ROCK1: variants seen among roughly 807,000 people sequenced by gnomAD.
ROCK1 encodes rho-associated protein kinase 1.
Under a neutral mutation model 196.8 loss-of-function variants are expected in ROCK1, and 36 were observed. The ratio of observed to expected loss-of-function variants is 0.18; its 90% confidence interval spans 0.14 to 0.24. The LOEUF is 0.24. ROCK1 is among the 10% of genes least tolerant of loss of function. The probability of loss-of-function intolerance (pLI) is 1.00; values close to 1 mark genes in which losing one functional copy is unlikely to be tolerated. For synonymous variants in ROCK1, 443 were observed against 515.9 expected (o/e 0.86, Z 1.91); for missense variants, 920 against 1,562.0 (o/e 0.59, Z 6.93).
At chr18:21,056,669 T>C (rs2036247553) in intron 2 of ROCK1, among the ~76,000 whole-genome samples, 1 of 152,220 alleles carries the variant, frequency 6.6e-6, no homozygotes, top group South Asian at 2.1e-4. Flanking sequence ...CAAAAGTCTC[T>C]AATGTCTTGC....
At chr18:20,994,008 AG>A (rs1408210450) in intron 16 of ROCK1, among the ~76,000 whole-genome samples, 1 of 152,202 alleles carries the variant, frequency 6.6e-6, no homozygotes, top group African/African-American at 2.4e-5. Context: ...AATGTACTCT[AG>A]TCACCTCCCA....
At chr18:21,107,282 T>G (rs1209664062) in intron 1 of ROCK1, among the ~76,000 whole-genome samples, 1 of 152,230 alleles carries the variant, frequency 6.6e-6, no homozygotes, top group Admixed American at 6.5e-5. Context: ...ACAAAAAAGC[T>G]GTTTAGTAGG....
At chr18:21,067,066 G>A (rs944471308) in intron 2 of ROCK1, among the ~76,000 whole-genome samples, 2 of 152,116 alleles carry the variant, frequency 1.3e-5, no homozygotes, top group Non-Finnish European at 2.9e-5. Context: ...CAGCTGCAAT[G>A]CATTTTCATA....
rs149027009 is a variant in ROCK1 at position 21,106,593 on chromosome 18, A to G, written c.93+4225T>C. On this transcript the variant is annotated intron_variant, in intron 1 of 32. Coordinates refer to ENST00000399799, the MANE Select transcript of ROCK1 (RefSeq NM_005406.3). The stretch of plus-strand genomic sequence containing the variant: ...AATTATTACAGGCCCTAGACAAAAT[A>G]ATTAGAAGATAAGGAAGTCCGGAAA... Among the ~76,000 whole-genome samples, 10 of 152,376 alleles carry G rather than the reference A, an allele frequency of 6.6e-5. No homozygotes were observed. In the South Asian group the frequency reaches 1.2e-3, roughly 19 times the overall value.
At chr18:21,073,382 T>C (rs1019805355) in intron 1 of ROCK1, among the ~76,000 whole-genome samples, 3 of 151,586 alleles carry the variant, frequency 2.0e-5, no homozygotes, top group African/African-American at 7.3e-5. Context: ...GAAGAGGAGG[T>C]AGAGGTCCAT....
rs528947308 is a variant in ROCK1 at position 20,953,977 on chromosome 18, A to G, written c.3854-192T>C. Among the ~76,000 whole-genome samples the G allele has an allele frequency of 1.8e-4, 27 of 152,282 alleles. 1 individual carries two copies. In the East Asian group the frequency reaches 5.2e-3, roughly 29 times the overall value. ...AAAAAAAAAAATTAGTCAAACTAAT[A>G]AAGTAAAATCAGAAATATAACAAAA... On this transcript the variant is annotated intron_variant, in intron 31 of 32. Coordinates refer to ENST00000399799, the MANE Select transcript of ROCK1 (RefSeq NM_005406.3).
At chr18:21,009,536 A>C (rs915859579) in intron 13 of ROCK1, among the ~76,000 whole-genome samples, 1 of 152,120 alleles carries the variant, frequency 6.6e-6, no homozygotes, top group Non-Finnish European at 1.5e-5. Context: ...TTTTTGTGAG[A>C]ATATACATTT....
At chr18:21,007,405 G>A (rs1362828212) in intron 14 of ROCK1, among the ~76,000 whole-genome samples, 1 of 152,040 alleles carries the variant, frequency 6.6e-6, no homozygotes, top group Non-Finnish European at 1.5e-5. Flanking sequence ...CTACCATATA[G>A]ATGTACTAAA....
chr18:21,016,919 T>C (rs1293263522), intron 12 of ROCK1, among the ~76,000 whole-genome samples: 1 of 152,030 alleles, frequency 6.6e-6, no homozygotes, highest in Non-Finnish European at 1.5e-5. Flanking sequence ...CTCCCCAATC[T>C]AGACCTTGCC....
At chr18:21,085,822 C>A (rs1054161242) in intron 1 of ROCK1, among the ~76,000 whole-genome samples, 9 of 152,186 alleles carry the variant, frequency 5.9e-5, no homozygotes, top group South Asian at 2.1e-4. Flanking sequence ...AACAACCACA[C>A]AGGACTGTTT....
At position 21,111,006 on chromosome 18, in the gene ROCK1, G is replaced by C; in HGVS notation, c.-96C>G. On this transcript the variant is annotated 5_prime_UTR_variant, in exon 1 of 33. Transcript: ENST00000399799. The surrounding 1 kb of genome is among the most constrained non-coding windows in gnomAD (Gnocchi z 4.2). ...GCGGTGGGTTCGCAGCCGCGGGGCG[G>C]AGGAGCCGGAACCTCAGGGTCACCA... 1.0e-6 allele frequency: 1 copy of C among 999,926 alleles called. No individual in the cohort carries two copies. Among genetic ancestry groups the C allele is most frequent in the Non-Finnish European group, 1.6e-6 (1 of 644,450 alleles). The allele number at this position is 999,926 out of a possible 1,614,324, so 61.9% of individuals were successfully genotyped here. A position where few individuals can be genotyped will look rare whatever the true frequency, so the allele number is the denominator to read the frequency against.
chr18:21,027,389 T>C (rs1389508042), intron 10 of ROCK1, among the ~76,000 whole-genome samples: 1 of 152,218 alleles, frequency 6.6e-6, no homozygotes, highest in Non-Finnish European at 1.5e-5. Context: ...AATAATAAGT[T>C]ATCAAAGATA....
intron 9 of ROCK1, among the ~76,000 whole-genome samples, chr18:21,036,338 G>T (rs1359616102): frequency 6.6e-6 from 1 of 152,180 alleles, no homozygotes; most frequent in Admixed American, 6.5e-5. Flanking sequence ...AGCATCTTGT[G>T]TGTTGCCCAC....
At position 21,042,053 on chromosome 18, in the gene ROCK1, G is replaced by C. The variant is rs755567400; in HGVS notation, c.959+44C>G. On this transcript the variant is annotated intron_variant, in intron 8 of 32. Coordinates refer to ENST00000399799, the MANE Select transcript of ROCK1 (RefSeq NM_005406.3). ...ACCTTAAAAATGGAGCAGAAGATGAGAAGTCCTCAGAATTAATACAGGCTC... is the reference window on the plus strand; with the variant it reads ...ACCTTAAAAATGGAGCAGAAGATGACAAGTCCTCAGAATTAATACAGGCTC... The C allele has an allele frequency of 3.0e-5, 46 of 1,552,300 alleles. No homozygotes were observed. The African/African-American group carries it at 5.9e-4, about 20-fold the overall frequency.
chr18:21,100,901 G>A (rs1461191821), intron 1 of ROCK1, among the ~76,000 whole-genome samples: 4 of 152,102 alleles, frequency 2.6e-5, no homozygotes, highest in Admixed American at 2.6e-4. Flanking sequence ...TGAGGCGATC[G>A]CAACTCCCTT....
At chr18:21,047,674 G>A (rs1309569292) in intron 4 of ROCK1, among the ~76,000 whole-genome samples, 3 of 151,848 alleles carry the variant, frequency 2.0e-5, no homozygotes, top group Admixed American at 6.6e-5. Context: ...GGCACCTGTC[G>A]TCCCAGCTAC....
chr18:20,959,499 A>T (rs905462801), intron 29 of ROCK1, among the ~76,000 whole-genome samples: 5 of 151,390 alleles, frequency 3.3e-5, no homozygotes, highest in African/African-American at 9.7e-5. Flanking sequence ...GGTGTGAGTC[A>T]CCGCACCCGG....
chr18:20,977,091 C>G (rs2143378300), intron 22 of ROCK1, among the ~76,000 whole-genome samples: 1 of 152,304 alleles, frequency 6.6e-6, no homozygotes, highest in East Asian at 1.9e-4. Flanking sequence ...CCTGCATCCA[C>G]CCAGCTTTCC....
intron 1 of ROCK1, among the ~76,000 whole-genome samples, chr18:21,073,063 CAAAAAAAAAAAAAA>C (rs541290068): frequency 3.1e-5 from 1 of 32,716 alleles, no homozygotes; most frequent in Admixed American, 5.9e-4. Context: ...ACTCCGTCTC[CAAAAAAAAAAAAAA>C]AAAAAAAAAA....
Sources: gnomAD v4.1 joint callset for allele counts (sites outside exome capture counted in the v4.1 genomes callset) on GRCh38, gnomAD v4.1.1 for gene constraint, Gnocchi (gnomAD v3.1) non-coding constraint, MANE v1.5 for transcripts, NCBI Gene and HGNC (gene_info 2026-07-23, HGNC 2026-07-21) for gene names.